SNTB2: variants seen among roughly 807,000 people sequenced by gnomAD.
SNTB2 encodes the protein syntrophin beta 2, also known as beta-2-syntrophin.
In SNTB2, 34 loss-of-function variants were observed where a neutral mutation model predicts 46.2. That is an observed-to-expected ratio of 0.74 (90% CI 0.56 to 0.98). SNTB2 has a LOEUF of 0.98. Ranked by LOEUF, SNTB2 falls within the 50% of genes least tolerant of loss-of-function variation. The pLI, the probability that SNTB2 is intolerant of heterozygous loss-of-function variation, is 0.00. For synonymous variants in SNTB2, 290 were observed against 312.6 expected (o/e 0.93, Z 0.76); for missense variants, 603 against 731.4 (o/e 0.82, Z 2.02).
chr16:69,227,331 G>C (rs983972116), intron 1 of SNTB2, among the ~76,000 whole-genome samples: 28 of 152,164 alleles, frequency 1.8e-4, no homozygotes, highest in Admixed American at 1.7e-3. Context: ...TTTGACCAAT[G>C]TATAAAATTT....
chr16:69,308,025 C>A lies in SNTB2; in HGVS notation c.*7101C>A, dbSNP rs1348478282. Reference sequence around the variant, plus strand: ...ATCCTTGGTCATTGCCCAGAAAGTACCTGAGCTATCAGTGATTGGAATGGC... The same window carrying A: ...ATCCTTGGTCATTGCCCAGAAAGTAACTGAGCTATCAGTGATTGGAATGGC... On this transcript the variant is annotated 3_prime_UTR_variant, in exon 7 of 7. Transcript: ENST00000336278. 6.6e-6 allele frequency: 1 copy of A among 152,350 alleles called. No individual in the cohort carries two copies. The highest frequency in any genetic ancestry group is 2.4e-5 in the African/African-American group (1 of 41,416). 9.4% of individuals were successfully genotyped at this position (152,350 alleles called of 1,614,324 possible).
intron 1 of SNTB2, among the ~76,000 whole-genome samples, chr16:69,226,560 G>A (rs1262487308): frequency 6.6e-6 from 1 of 152,066 alleles, no homozygotes; most frequent in Non-Finnish European, 1.5e-5. Flanking sequence ...CTGAGACAAG[G>A]TCTCCCACTG....
intron 1 of SNTB2, among the ~76,000 whole-genome samples, chr16:69,196,998 T>C (rs1277869358): frequency 6.6e-6 from 1 of 152,066 alleles, no homozygotes; most frequent in Non-Finnish European, 1.5e-5. Context: ...ATCCAGTTAA[T>C]GTCTCTCAGT....
intron 5 of SNTB2, among the ~76,000 whole-genome samples, chr16:69,298,663 AGGCATGTGCCACCAT>A (rs1567417989): frequency 6.6e-6 from 1 of 151,938 alleles, no homozygotes; most frequent in Non-Finnish European, 1.5e-5. Context: ...CTGGGATTAC[AGGCATGTGCCACCAT>A]GGCTGGCTAA....
chr16:69,189,711 T>C (rs547165538), intron 1 of SNTB2, among the ~76,000 whole-genome samples: 4 of 152,312 alleles, frequency 2.6e-5, no homozygotes, highest in Non-Finnish European at 4.4e-5. Context: ...CACTCCAGCA[T>C]GGATGCCCAG....
chr16:69,294,782 C>T (rs1644000623), intron 5 of SNTB2, among the ~76,000 whole-genome samples: 1 of 151,828 alleles, frequency 6.6e-6, no homozygotes, highest in African/African-American at 2.4e-5. Context: ...GTTTATGTAC[C>T]TTCCTCTCTT....
chr16:69,248,581 G>A (rs190968322), intron 2 of SNTB2, among the ~76,000 whole-genome samples: 2 of 152,244 alleles, frequency 1.3e-5, no homozygotes, highest in East Asian at 1.9e-4. Context: ...GTAGTGAGCC[G>A]AGATTGCGCC....
intron 4 of SNTB2, among the ~76,000 whole-genome samples, chr16:69,282,377 G>T (rs914437251): frequency 1.2e-4 from 18 of 150,776 alleles, no homozygotes; most frequent in African/African-American, 4.4e-4. Context: ...GTGTTTCTCT[G>T]TCAAAGATCA....
chr16:69,244,584 A>C (rs1964651410), intron 1 of SNTB2, among the ~76,000 whole-genome samples: 1 of 152,218 alleles, frequency 6.6e-6, no homozygotes, highest in Admixed American at 6.5e-5. Flanking sequence ...TGTAGTCATG[A>C]CTGAAGTAAA....
In SNTB2 at chr16:69,301,222, G is replaced by A; in HGVS notation, c.*298G>A. On this transcript the variant is annotated 3_prime_UTR_variant, in exon 7 of 7. Transcript: ENST00000336278. The stretch of plus-strand genomic sequence containing the variant: ...CTACTGCTAAAAAGAATGGCTCATT[G>A]TTTTCTTTTTTTTTCATTGTTTTCA... 1 of 235,842 alleles carries A rather than the reference G, an allele frequency of 4.2e-6. No homozygotes were observed. Among genetic ancestry groups the A allele is most frequent in the Non-Finnish European group, 8.4e-6 (1 of 119,642 alleles). 14.6% of individuals were successfully genotyped at this position (235,842 alleles called of 1,614,324 possible). A position where few individuals can be genotyped will look rare whatever the true frequency, so the allele number is the denominator to read the frequency against.
chr16:69,230,604 A>C (rs1285256140), intron 1 of SNTB2: 3 of 150,156 alleles, frequency 2.0e-5, no homozygotes, highest in African/African-American at 7.4e-5. Flanking sequence ...CTTGTGATCC[A>C]CCCACCTCAG....
intron 1 of SNTB2, among the ~76,000 whole-genome samples, chr16:69,235,015 CTTTATTTA>C (rs955400907): frequency 6.6e-6 from 1 of 151,722 alleles, no homozygotes; most frequent in African/African-American, 2.4e-5. Context: ...CAACTTGGTT[CTTTATTTA>C]TTTATTTATT....
intron 3 of SNTB2, among the ~76,000 whole-genome samples, chr16:69,267,242 C>G (rs1385474277): frequency 1.3e-5 from 2 of 152,170 alleles, no homozygotes; most frequent in South Asian, 4.1e-4. Context: ...TGGTCTTGAT[C>G]TCCTGATCTC....
At chr16:69,283,104 G>T (rs879633666) in intron 4 of SNTB2, among the ~76,000 whole-genome samples, 3 of 152,094 alleles carry the variant, frequency 2.0e-5, no homozygotes. Flanking sequence ...CCACCATGCT[G>T]AGATTTTTTT....
intron 5 of SNTB2, among the ~76,000 whole-genome samples, chr16:69,288,044 A>C (rs1239979552): frequency 6.6e-6 from 1 of 152,044 alleles, no homozygotes; most frequent in African/African-American, 2.4e-5. Flanking sequence ...AGGTTTAAAA[A>C]AAAATACAGT....
At chr16:69,248,224 G>C (rs1964689735) in intron 2 of SNTB2, among the ~76,000 whole-genome samples, 1 of 152,188 alleles carries the variant, frequency 6.6e-6, no homozygotes, top group African/African-American at 2.4e-5. Flanking sequence ...AGACATTGTA[G>C]AAATTACTTT....
intron 1 of SNTB2, among the ~76,000 whole-genome samples, chr16:69,213,136 G>A (rs1964306543): frequency 6.6e-6 from 1 of 152,044 alleles, no homozygotes. Context: ...TAAAATGGGA[G>A]TAATAACGTG....
chr16:69,300,905 G>A lies in SNTB2; in HGVS notation c.1604G>A (p.Arg535His), dbSNP rs767731536. Residue 535 changes from arginine to histidine, a missense_variant, in exon 7 of 7, where the codon CGT becomes CAT. Coordinates refer to ENST00000336278, the MANE Select transcript of SNTB2 (RefSeq NM_006750.4). Reference sequence around the variant, plus strand: ...ACGTTTTTATCGGCCAAAGTCACTCGTATGGGACTGCTTGTATGAGCAACA... The same window carrying A: ...ACGTTTTTATCGGCCAAAGTCACTCATATGGGACTGCTTGTATGAGCAACA... ...LHTFLSAKVTRMGLLV is the reference protein window; with the variant it reads ...LHTFLSAKVTHMGLLV The A allele has an allele frequency of 4.3e-6, 7 of 1,611,380 alleles. No homozygotes were observed. The highest frequency in any genetic ancestry group is 4.2e-6 in the Non-Finnish European group (5 of 1,177,898).
chr16:69,229,641 C>T (rs1178019987), intron 1 of SNTB2, among the ~76,000 whole-genome samples: 2 of 150,684 alleles, frequency 1.3e-5, no homozygotes, highest in Non-Finnish European at 3.0e-5. Flanking sequence ...AGATTGAGAC[C>T]ATCCTGGCCA....
Sources: gnomAD v4.1 joint callset for allele counts (sites outside exome capture counted in the v4.1 genomes callset) on GRCh38, gnomAD v4.1.1 for gene constraint, MANE v1.5 for transcripts, NCBI Gene and HGNC (gene_info 2026-07-23, HGNC 2026-07-21) for gene names.